The following PAWR variants were observed in gnomAD, a reference collection of about 807,000 sequenced individuals.
PAWR encodes PRKC apoptosis WT1 regulator protein.
PAWR carries 23 observed loss-of-function variants against 32.0 expected under a neutral mutation model. The ratio of observed to expected loss-of-function variants is 0.72; its 90% CI spans 0.52 to 1.02. PAWR has a LOEUF of 1.02. Among genes scored for constraint, PAWR ranks in the 50% least tolerant of loss-of-function variants. The probability of loss-of-function intolerance (pLI) is 0.00; values close to 1 mark genes in which losing one functional copy is unlikely to be tolerated. For missense variants in PAWR, 457 were observed against 437.7 expected, an observed-to-expected ratio of 1.04 and a Z score of -0.39; for synonymous variants, 226 against 187.1, an observed-to-expected ratio of 1.21 and a Z score of -1.70.
chr12:79,620,448 G>A (rs1874948606), intron 3 of PAWR, among the ~76,000 whole-genome samples: 1 of 152,118 alleles, frequency 6.6e-6, no homozygotes, highest in South Asian at 2.1e-4. Flanking sequence ...TGCTCACATA[G>A]CACAGCTCAC....
At chr12:79,677,993 C>A (rs1194720170) in intron 2 of PAWR, among the ~76,000 whole-genome samples, 1 of 152,292 alleles carries the variant, frequency 6.6e-6, no homozygotes, top group South Asian at 2.1e-4. Flanking sequence ...CCTCTACCCC[C>A]AAACACTCAA....
intron 2 of PAWR, among the ~76,000 whole-genome samples, chr12:79,684,065 A>C (rs987837327): frequency 6.6e-6 from 1 of 152,186 alleles, no homozygotes; most frequent in African/African-American, 2.4e-5. Context: ...TGAAAATATA[A>C]AAGCACTTAA....
intron 3 of PAWR, among the ~76,000 whole-genome samples, chr12:79,614,047 G>A (rs1359117191): frequency 9.7e-6 from 1 of 103,094 alleles, no homozygotes; most frequent in African/African-American, 3.6e-5. Context: ...TTTCACTCTT[G>A]TTGCCCAGGC....
chr12:79,657,688 G>A (rs1877159483), intron 2 of PAWR, among the ~76,000 whole-genome samples: 1 of 152,034 alleles, frequency 6.6e-6, no homozygotes, highest in East Asian at 1.9e-4. Flanking sequence ...CAGCGACTCG[G>A]GAGGCTGAGG....
At chr12:79,635,544 A>G (rs1875920968) in intron 2 of PAWR, 1 of 152,140 alleles carries the variant, frequency 6.6e-6, no homozygotes, top group Admixed American at 6.6e-5. Context: ...GAGCCCAACC[A>G]CTTACCTATA....
intron 2 of PAWR, among the ~76,000 whole-genome samples, chr12:79,682,350 AG>A (rs1878487189): frequency 6.6e-6 from 1 of 152,194 alleles, no homozygotes; most frequent in Non-Finnish European, 1.5e-5. Flanking sequence ...CTGAAAACAA[AG>A]TTTCAGCTGC....
At chr12:79,596,935 C>A (rs1009247530) in intron 4 of PAWR, 1 of 330,714 alleles carries the variant, frequency 3.0e-6, no homozygotes, top group Admixed American at 4.8e-5. Flanking sequence ...AACATGGACT[C>A]TGCCCTTCAT....
chr12:79,642,185 T>A (rs73343698), intron 2 of PAWR, among the ~76,000 whole-genome samples: 1,679 of 152,304 alleles, frequency 0.011, 41 homozygotes, highest in African/African-American at 0.038. Context: ...TATGGCTGCT[T>A]AATAGATAAG....
In PAWR at chr12:79,586,650, A is replaced by C. The variant is rs561959820; in HGVS notation, c.*5957T>G. The stretch of plus-strand genomic sequence containing the variant: ...CAGCAGTCAAAACTTACTGTTTTTC[A>C]TATGTGTAAAGTAAAAATTCAATCT... On this transcript the variant is annotated 3_prime_UTR_variant, in exon 7 of 7. Coordinates refer to ENST00000328827, the MANE Select transcript of PAWR (RefSeq NM_002583.4). The C allele has an allele frequency of 6.6e-6, 1 of 152,330 alleles. No individual in the cohort carries two copies. Among genetic ancestry groups the C allele is most frequent in the African/African-American group, 2.4e-5 (1 of 41,586 alleles). The allele number at this position is 152,330 out of a possible 1,614,324, so 9.4% of individuals were successfully genotyped here.
intron 3 of PAWR, among the ~76,000 whole-genome samples, chr12:79,620,806 C>A (rs1874967835): frequency 6.6e-6 from 1 of 152,126 alleles, no homozygotes; most frequent in Admixed American, 6.6e-5. Context: ...GAGGAGCAAT[C>A]CGACATGAGT....
intron 3 of PAWR, among the ~76,000 whole-genome samples, chr12:79,613,956 TATATATATATATATATATATATA>T (rs1447513929): frequency 0.034 from 253 of 7,368 alleles, 4 homozygotes; most frequent in African/African-American, 0.13. Context: ...TATATATATA[TATATATATATATATATATATATA>T]TTTTTTTTTT....
intron 2 of PAWR, among the ~76,000 whole-genome samples, chr12:79,648,807 A>G (rs1201952179): frequency 6.6e-6 from 1 of 151,810 alleles, no homozygotes; most frequent in Non-Finnish European, 1.5e-5. Context: ...AAAAAAAATA[A>G]AAAAACCCTA....
intron 2 of PAWR, among the ~76,000 whole-genome samples, chr12:79,679,306 G>A (rs1366818051): frequency 4.6e-5 from 7 of 152,090 alleles, no homozygotes; most frequent in African/African-American, 1.7e-4. Context: ...CAGCATATGA[G>A]AGGAGTGACA....
chr12:79,650,427 T>G (rs1304679219), intron 2 of PAWR, among the ~76,000 whole-genome samples: 1 of 152,226 alleles, frequency 6.6e-6, no homozygotes, highest in East Asian at 1.9e-4. Flanking sequence ...TTCAGACTCA[T>G]CTGTATATTG....
At chr12:79,608,555 C>T (rs748640961) in intron 4 of PAWR, among the ~76,000 whole-genome samples, 1 of 152,212 alleles carries the variant, frequency 6.6e-6, no homozygotes, top group African/African-American at 2.4e-5. Context: ...TAGCAGTCCA[C>T]ACCCTGAGGG....
chr12:79,637,007 C>A (rs1875993494), intron 2 of PAWR, among the ~76,000 whole-genome samples: 1 of 152,024 alleles, frequency 6.6e-6, no homozygotes, highest in Non-Finnish European at 1.5e-5. Flanking sequence ...AAAATAACTA[C>A]AATAGAACTA....
At chr12:79,600,566 A>T (rs943286808) in intron 4 of PAWR, among the ~76,000 whole-genome samples, 7 of 151,744 alleles carry the variant, frequency 4.6e-5, no homozygotes, top group Admixed American at 6.6e-5. Flanking sequence ...TTGAAACCTC[A>T]AAACTCCTAG....
At chr12:79,648,343 C>A (rs1383408700) in intron 2 of PAWR, among the ~76,000 whole-genome samples, 1 of 152,082 alleles carries the variant, frequency 6.6e-6, no homozygotes, top group African/African-American at 2.4e-5. Context: ...TAGCTGAAGA[C>A]TTAATTACAT....
At chr12:79,605,143 T>C (rs1874122403) in intron 4 of PAWR, among the ~76,000 whole-genome samples, 1 of 152,192 alleles carries the variant, frequency 6.6e-6, no homozygotes, top group South Asian at 2.1e-4. Flanking sequence ...TATGTAATTA[T>C]TTTTCTATAG....
Sources: allele counts gnomAD v4.1 joint callset (sites outside exome capture counted in the v4.1 genomes callset), GRCh38; gene constraint gnomAD v4.1.1; transcripts MANE v1.5; gene names NCBI Gene and HGNC (gene_info 2026-07-23, HGNC 2026-07-21).